TOGARAM1: variants seen among roughly 807,000 people sequenced by gnomAD.
The protein encoded by TOGARAM1 is TOG array regulator of axonemal microtubules 1, also known as TOG array regulator of axonemal microtubules protein 1.
TOGARAM1 carries 100 observed loss-of-function variants against 166.6 expected under a neutral mutation model. The ratio of observed to expected loss-of-function variants is 0.60; its 90% CI spans 0.51 to 0.71. The LOEUF is 0.71. Ranked by LOEUF, TOGARAM1 falls within the 30% of genes least tolerant of loss-of-function variation. TOGARAM1 has a pLI of 0.00. For synonymous variants in TOGARAM1, 758 were observed against 763.8 expected (o/e 0.99, Z 0.13); for missense variants, 2,029 against 2,102.7 (o/e 0.96, Z 0.69).
intron 7 of TOGARAM1, among the ~76,000 whole-genome samples, chr14:45,022,616 A>G (rs963672438): frequency 1.3e-4 from 20 of 151,786 alleles, no homozygotes; most frequent in Admixed American, 5.3e-4. Context: ...TTCGGTGGCT[A>G]GCCATCCTGA....
At chr14:45,033,054 A>C (rs1330773295) in intron 11 of TOGARAM1, among the ~76,000 whole-genome samples, 1 of 152,176 alleles carries the variant, frequency 6.6e-6, no homozygotes, top group African/African-American at 2.4e-5. Context: ...GTTCAAGACT[A>C]GCCTGGCCAA....
In TOGARAM1 at chr14:45,073,594, G is replaced by GGAACTTTT; in HGVS notation, c.*33_*34insGAACTTTT. 9 of 1,576,128 alleles carry GGAACTTTT rather than the reference G, an allele frequency of 5.7e-6. No homozygotes were observed. The highest frequency in any genetic ancestry group is 7.8e-6 in the Non-Finnish European group (9 of 1,159,786). ...ATAAAATACTGTATGATGAACAAAA[G>GGAACTTTT]TGTTTACATGATGACAAATGGAACT... On this transcript the variant is annotated 3_prime_UTR_variant, in exon 20 of 20. Coordinates refer to ENST00000361462, the MANE Select transcript of TOGARAM1 (RefSeq NM_001308120.2).
intron 1 of TOGARAM1, among the ~76,000 whole-genome samples, chr14:44,973,175 T>G (rs1885984360): frequency 2.0e-5 from 3 of 152,130 alleles, no homozygotes; most frequent in Admixed American, 1.3e-4. Context: ...CCTTGTGGTT[T>G]TAATTGAGAA....
At chr14:45,052,601 G>A (rs375078633) in intron 15 of TOGARAM1, 39 bp downstream of exon 15, 51 of 1,544,546 alleles carry the variant, frequency 3.3e-5, no homozygotes, top group Non-Finnish European at 4.2e-5. Context: ...AGCTTTATAA[G>A]CAAAGCTTGT....
intron 3 of TOGARAM1, among the ~76,000 whole-genome samples, chr14:45,003,766 C>A (rs1887795712): frequency 8.3e-6 from 1 of 120,932 alleles, no homozygotes; most frequent in Non-Finnish European, 1.6e-5. Context: ...ACTTCTCTGA[C>A]ATGTGTGTAT....
At chr14:44,975,727 A>T (rs1211800016) in intron 1 of TOGARAM1, among the ~76,000 whole-genome samples, 1 of 148,508 alleles carries the variant, frequency 6.7e-6, no homozygotes, top group Non-Finnish European at 1.5e-5. Context: ...TCAGCCTCCC[A>T]AAGTGCTGGG....
Position 45,074,427 on chromosome 14 carries a change from C to A in TOGARAM1, c.*866C>A, listed in dbSNP as rs1050420174. On this transcript the variant is annotated 3_prime_UTR_variant, in exon 20 of 20. Coordinates refer to ENST00000361462, the MANE Select transcript of TOGARAM1 (RefSeq NM_001308120.2). ...TGTTATAAAATAAAAGGATTTATTT[C>A]TTTAGATGTGTGAGAGGTGTCCTGT... 4 of 152,278 alleles carry A rather than the reference C, an allele frequency of 2.6e-5. No individual in the cohort carries two copies. The highest frequency in any genetic ancestry group is 4.8e-5 in the African/African-American group (2 of 41,314). The allele number at this position is 152,278 out of a possible 1,614,324, so 9.4% of individuals were successfully genotyped here.
Position 45,068,430 on chromosome 14 carries a change from G to C in TOGARAM1, c.4756G>C (p.Asp1586His). ...TTTACCAATTTATTTTCAGATTTTTGATGCTTTTAAATCTCGACTTCATGA... is the reference window on the plus strand; with the variant it reads ...TTTACCAATTTATTTTCAGATTTTTCATGCTTTTAAATCTCGACTTCATGA... ...LVVGNIVKIF[D>H]AFKSRLHDSN... Residue 1586 changes from aspartate to histidine, a missense_variant, in exon 18 of 20, where the codon GAT (aspartate) becomes CAT (histidine). Physicochemically the swap from Asp to His is moderately conservative, Grantham distance 81 (BLOSUM62 -1). Around this residue, in one of 2 missense-constraint regions of TOGARAM1, gnomAD observed 576 missense variants for 670.5 expected, o/e 0.86. Coordinates refer to ENST00000361462, the MANE Select transcript of TOGARAM1 (RefSeq NM_001308120.2). The C allele has an allele frequency of 4.4e-6, 7 of 1,597,548 alleles. No individual in the cohort carries two copies. Among genetic ancestry groups the C allele is most frequent in the Non-Finnish European group, 6.0e-6 (7 of 1,172,682 alleles).
At position 45,011,676 on chromosome 14, in the gene TOGARAM1, A is replaced by G. The variant is rs568327976; in HGVS notation, c.3138-299A>G. Among the ~76,000 whole-genome samples the G allele has an allele frequency of 7.2e-5, 11 of 151,946 alleles. No homozygotes were observed. The East Asian group carries it at 1.8e-3, about 24-fold the overall frequency. On this transcript the variant is annotated intron_variant, in intron 6 of 19. Transcript: ENST00000361462. ...TTTTTTTCCTTAGGGATTATACAGT[A>G]TAAGTCAGAGTCATTTTCTGTGGCA... is the stretch of plus-strand genomic sequence containing the variant.
In TOGARAM1 at chr14:45,068,434, C is replaced by G. The variant is rs763094315; in HGVS notation, c.4760C>G (p.Ala1587Gly). 6.2e-7 allele frequency: 1 copy of G among 1,602,718 alleles called. No individual in the cohort carries two copies. Among genetic ancestry groups the G allele is most frequent in the Non-Finnish European group, 8.5e-7 (1 of 1,175,122 alleles). Residue 1587 changes from alanine to glycine, a missense_variant, in exon 18 of 20, where the codon GCT becomes GGT. By Grantham distance (60) the Ala-to-Gly change is moderately conservative. Coordinates refer to ENST00000361462, the MANE Select transcript of TOGARAM1 (RefSeq NM_001308120.2). ...VVGNIVKIFD[A>G]FKSRLHDSNS... ...CCAATTTATTTTCAGATTTTTGATG[C>G]TTTTAAATCTCGACTTCATGATTCT...
Position 44,963,149 on chromosome 14 carries a change from C to T in TOGARAM1, c.728C>T (p.Thr243Ile). Residue 243 changes from threonine to isoleucine, a missense_variant, in exon 1 of 20, where the codon ACT (threonine) becomes ATT (isoleucine). Around this residue, in one of 2 missense-constraint regions of TOGARAM1, gnomAD observed 1,453 missense variants for 1,432.2 expected, o/e 1.01. Transcript: ENST00000361462. ...GCACTACTGCTTCCCATCTTGCTTA[C>T]TACTGAGGACTTGTTGCTTGGTCTG... ...STALLLPILL[T>I]TEDLLLGLDL... 1 of 1,614,208 alleles carries T rather than the reference C, an allele frequency of 6.2e-7. No individual in the cohort carries two copies. The highest frequency in any genetic ancestry group is 8.5e-7 in the Non-Finnish European group (1 of 1,180,040).
In TOGARAM1 at chr14:45,006,176, A is replaced by G. The variant is rs1022392150; in HGVS notation, c.2813A>G (p.Glu938Gly). ...DLSTVGHKKK[E>G]PDDIWKCEKD... The stretch of plus-strand genomic sequence containing the variant: ...AGCACAGTGGGACACAAAAAGAAAG[A>G]GCCTGATGATATTTGGAAGTGTGAA... Residue 938 changes from glutamate (E) to glycine (G), a missense_variant, in exon 5 of 20, where the codon GAG becomes GGG. Coordinates refer to ENST00000361462, the MANE Select transcript of TOGARAM1 (RefSeq NM_001308120.2). 6.2e-7 allele frequency: 1 copy of G among 1,613,940 alleles called. No homozygotes were observed. The highest frequency in any genetic ancestry group is 1.3e-5 in the African/African-American group (1 of 74,908).
intron 19 of TOGARAM1, 26 bp downstream of exon 19, chr14:45,071,824 A>G: frequency 6.5e-7 from 1 of 1,540,858 alleles, no homozygotes; most frequent in Non-Finnish European, 8.9e-7. Flanking sequence ...TTTCTAAAGA[A>G]ATATTTTATT....
chr14:45,012,347 G>A (rs1165444621), intron 7 of TOGARAM1, among the ~76,000 whole-genome samples: 1 of 152,108 alleles, frequency 6.6e-6, no homozygotes, highest in Non-Finnish European at 1.5e-5. Flanking sequence ...TAGTTGGTGT[G>A]GAGTGTTATT....
intron 1 of TOGARAM1, among the ~76,000 whole-genome samples, chr14:44,991,437 C>A (rs1887130695): frequency 1.3e-5 from 2 of 152,108 alleles, no homozygotes; most frequent in Admixed American, 1.3e-4. Flanking sequence ...TCTGAATGTT[C>A]CATCAAAGGA....
chr14:44,999,429 G>A lies in TOGARAM1; in HGVS notation c.2270G>A (p.Cys757Tyr), dbSNP rs1887590073. 1.9e-6 allele frequency: 3 copies of A among 1,611,730 alleles called. No individual in the cohort carries two copies. Among genetic ancestry groups the A allele is most frequent in the Non-Finnish European group, 2.5e-6 (3 of 1,178,570 alleles). The change falls in exon 3 of 20, where the codon TGT becomes TAT. Residue 757 changes from cysteine to tyrosine, a missense_variant. This residue lies in a region of TOGARAM1 where 1,453 missense variants were observed against 1,432.2 expected (regional missense o/e 1.01). Transcript: ENST00000361462. ...GCACAACTTGGATTTTCACAAATAT[G>A]TGGTAAAACTGGCAGTGTGGGTTCT... The part of the protein sequence containing the change: ...KCAQLGFSQI[C>Y]GKTGSVGSDL...
intron 7 of TOGARAM1, among the ~76,000 whole-genome samples, chr14:45,018,487 AC>A (rs1490544406): frequency 6.6e-6 from 1 of 152,114 alleles, no homozygotes; most frequent in Non-Finnish European, 1.5e-5. Flanking sequence ...CAAGTGATCT[AC>A]CTGCCTTGGC....
chr14:44,976,650 A>G (rs1381239774), intron 1 of TOGARAM1, among the ~76,000 whole-genome samples: 1 of 121,800 alleles, frequency 8.2e-6, no homozygotes, highest in Non-Finnish European at 1.6e-5. Flanking sequence ...AAAAACTCTT[A>G]AAATAATACC....
Position 44,981,819 on chromosome 14 carries a change from A to G in TOGARAM1, c.2047-13927A>G, listed in dbSNP as rs2138758843. On this transcript the variant is annotated intron_variant, in intron 1 of 19. Transcript: ENST00000361462. Reference sequence around the variant, plus strand: ...GTATAGATTCTTCTATCCATCAGTGAAAGCTTCCCCTTTTTCACTTACTTT... The same window carrying G: ...GTATAGATTCTTCTATCCATCAGTGGAAGCTTCCCCTTTTTCACTTACTTT... Among the ~76,000 whole-genome samples, 2 of 150,530 alleles carry G rather than the reference A, an allele frequency of 1.3e-5. 1 individual carries two copies. Among genetic ancestry groups the G allele is most frequent in the Middle Eastern group, 6.9e-3 (2 of 288 alleles).
Sources: allele counts gnomAD v4.1 joint callset (sites outside exome capture counted in the v4.1 genomes callset), GRCh38; gene constraint gnomAD v4.1.1; regional missense constraint gnomAD v4.1.1; transcripts MANE v1.5; gene names NCBI Gene and HGNC (gene_info 2026-07-23, HGNC 2026-07-21).